The following TMEM132D variants were observed in gnomAD, a reference collection of about 807,000 sequenced individuals.
TMEM132D encodes the protein mature OL transmembrane protein.
In TMEM132D, 21 loss-of-function variants were observed where a neutral mutation model predicts 62.3. The observed-to-expected ratio is 0.34, with a 90% CI of 0.24 to 0.49. The LOEUF (loss-of-function observed/expected upper bound fraction) is 0.49, where lower values mean the gene tolerates loss of function less well. Among genes scored for constraint, TMEM132D ranks in the 20% least tolerant of loss-of-function variants. TMEM132D has a pLI of 0.99. For synonymous variants in TMEM132D, 621 were observed against 575.6 expected (o/e 1.08, Z -1.13); for missense variants, 1,346 against 1,402.8 (o/e 0.96, Z 0.65).
intron 3 of TMEM132D, among the ~76,000 whole-genome samples, chr12:129,399,435 C>CTTCTT (rs1871544139): frequency 3.1e-4 from 5 of 16,266 alleles, no homozygotes; most frequent in South Asian, 9.0e-4. Flanking sequence ...GATAACCAAC[C>CTTCTT]CATTCCTGCA....
At chr12:129,108,097 T>C (rs982631618) in intron 5 of TMEM132D, among the ~76,000 whole-genome samples, 1 of 152,132 alleles carries the variant, frequency 6.6e-6, no homozygotes, top group Non-Finnish European at 1.5e-5. Context: ...CCTTGATCCT[T>C]GCAAAAAATA....
At chr12:129,327,721 C>T (rs1868961562) in intron 4 of TMEM132D, among the ~76,000 whole-genome samples, 1 of 152,226 alleles carries the variant, frequency 6.6e-6, no homozygotes, top group Non-Finnish European at 1.5e-5. Flanking sequence ...AGTTGTCATC[C>T]TTTCTACCTG....
At chr12:129,786,945 A>G (rs1220435917) in intron 1 of TMEM132D, among the ~76,000 whole-genome samples, 1 of 151,862 alleles carries the variant, frequency 6.6e-6, no homozygotes, top group Non-Finnish European at 1.5e-5. Context: ...ATGAAGAGAA[A>G]CAGTGACAGC....
chr12:129,785,272 C>G (rs2137293996), intron 1 of TMEM132D, among the ~76,000 whole-genome samples: 1 of 152,252 alleles, frequency 6.6e-6, no homozygotes, highest in East Asian at 1.9e-4. Flanking sequence ...GTACTCCTCG[C>G]TCTACTTAGT....
At chr12:129,348,220 A>T (rs566854233) in intron 3 of TMEM132D, among the ~76,000 whole-genome samples, 2 of 152,324 alleles carry the variant, frequency 1.3e-5, no homozygotes, top group South Asian at 4.1e-4. Flanking sequence ...TACCCAAGGG[A>T]TTATAAACCA....
At chr12:129,362,332 G>A (rs1451377557) in intron 3 of TMEM132D, among the ~76,000 whole-genome samples, 3 of 152,108 alleles carry the variant, frequency 2.0e-5, no homozygotes, top group East Asian at 1.9e-4. Context: ...TGTGGTGGGA[G>A]GAAGAACTAG....
At chr12:129,668,621 T>C (rs1035970157) in intron 2 of TMEM132D, among the ~76,000 whole-genome samples, 2 of 152,172 alleles carry the variant, frequency 1.3e-5, no homozygotes, top group African/African-American at 4.8e-5. Context: ...TTTGCAACTT[T>C]TAACAAGTGA....
chr12:129,456,155 A>C (rs542807514), intron 3 of TMEM132D, among the ~76,000 whole-genome samples: 2 of 152,168 alleles, frequency 1.3e-5, no homozygotes, highest in Non-Finnish European at 2.9e-5. Flanking sequence ...GCCAGTTGTT[A>C]ATCATGTGTG....
At chr12:129,418,803 T>G (rs1872209402) in intron 3 of TMEM132D, among the ~76,000 whole-genome samples, 1 of 152,202 alleles carries the variant, frequency 6.6e-6, no homozygotes, top group South Asian at 2.1e-4. Context: ...GAGGCCATGC[T>G]GTATACGGGT....
intron 3 of TMEM132D, among the ~76,000 whole-genome samples, chr12:129,354,279 T>A (rs1869962938): frequency 6.6e-6 from 1 of 151,646 alleles, no homozygotes; most frequent in Non-Finnish European, 1.5e-5. Context: ...CTCCTGCATC[T>A]ATTTCCAGAG....
intron 5 of TMEM132D, among the ~76,000 whole-genome samples, chr12:129,180,366 G>A (rs912247182): frequency 7.2e-5 from 11 of 152,146 alleles, no homozygotes; most frequent in Non-Finnish European, 1.6e-4. Context: ...CTATGGTTCT[G>A]TGATGAGTCC....
chr12:129,696,613 C>G (rs1032371131), intron 2 of TMEM132D, among the ~76,000 whole-genome samples: 2 of 152,046 alleles, frequency 1.3e-5, no homozygotes, highest in African/African-American at 4.8e-5. Context: ...TGAAAAGCAA[C>G]GAAAGAATAA....
At chr12:129,433,842 G>A (rs1872723418) in intron 3 of TMEM132D, among the ~76,000 whole-genome samples, 2 of 152,170 alleles carry the variant, frequency 1.3e-5, no homozygotes, top group Admixed American at 6.5e-5. Flanking sequence ...GCTGCTCATG[G>A]CAGGAGTGCA....
chr12:129,273,866 A>T (rs1593319306), intron 4 of TMEM132D, among the ~76,000 whole-genome samples: 1 of 151,354 alleles, frequency 6.6e-6, no homozygotes, highest in East Asian at 1.9e-4. Flanking sequence ...CACACAATAT[A>T]CCCATATAAC....
intron 4 of TMEM132D, among the ~76,000 whole-genome samples, chr12:129,297,898 C>G (rs1881616947): frequency 6.6e-6 from 1 of 152,088 alleles, no homozygotes; most frequent in Non-Finnish European, 1.5e-5. Context: ...GGTCAGACAC[C>G]AAGCCAGACA....
Position 129,700,207 on chromosome 12 carries a change from GC to G in TMEM132D, c.570del (p.Leu191CysfsTer91), listed in dbSNP as rs769368918. 6.2e-7 allele frequency: 1 copy of G among 1,612,852 alleles called. No homozygotes were observed. The highest frequency in any genetic ancestry group is 8.5e-7 in the Non-Finnish European group (1 of 1,179,934). ...RGSCRLQGDL[G>X]LCVAELELLS... ...AGGAGCTCCAGCTCGGCCACGCACA[GC>G]CCCAGGTCCCCCTGCAGCCGGCAGC... On this transcript the variant is annotated frameshift_variant, in exon 2 of 9. Transcript: ENST00000422113. LOFTEE classifies it high-confidence loss of function.
chr12:129,716,908 C>G (rs1868599733), intron 1 of TMEM132D, among the ~76,000 whole-genome samples: 1 of 152,180 alleles, frequency 6.6e-6, no homozygotes, highest in Admixed American at 6.5e-5. Context: ...TCTTCATGGT[C>G]ATAGGAATTT....
intron 4 of TMEM132D, among the ~76,000 whole-genome samples, chr12:129,293,828 C>T (rs568194785): frequency 5.9e-5 from 9 of 152,264 alleles, no homozygotes; most frequent in Admixed American, 2.6e-4. Context: ...AAGCTTCGCT[C>T]GCTTGCCCAT....
At chr12:129,655,746 C>G (rs1444521253) in intron 2 of TMEM132D, among the ~76,000 whole-genome samples, 1 of 152,148 alleles carries the variant, frequency 6.6e-6, no homozygotes, top group Non-Finnish European at 1.5e-5. Flanking sequence ...GAGCTGCTAT[C>G]TGTTGAACCG....
Sources: gnomAD v4.1 joint callset for allele counts (sites outside exome capture counted in the v4.1 genomes callset) on GRCh38, gnomAD v4.1.1 for gene constraint, MANE v1.5 for transcripts, NCBI Gene and HGNC (gene_info 2026-07-23, HGNC 2026-07-21) for gene names.